BLTP1: variants seen among roughly 807,000 people sequenced by gnomAD.
BLTP1 encodes the protein bridge-like lipid transfer protein family member 1.
At chr4:122,287,061 A>G in the BLTP1 span, among the ~76,000 whole-genome samples, 7 of 152,304 alleles carry the variant, frequency 4.6e-5, 1 homozygote, top group South Asian at 6.2e-4. Flanking sequence ...AGTTCAAATG[A>G]TTATTAAAAG....
the BLTP1 span, chr4:122,280,203 T>A: frequency 2.0e-6 from 2 of 985,178 alleles, no homozygotes; most frequent in Non-Finnish European, 2.4e-6. Context: ...TGTTCCATAT[T>A]GCATAAACAA....
At chr4:122,316,456 C>A in the BLTP1 span, 3 of 491,572 alleles carry the variant, frequency 6.1e-6, no homozygotes, top group South Asian at 4.6e-5. Flanking sequence ...CCATTCTGTT[C>A]CTGCAGAGTA....
At chr4:122,261,417 A>T in the BLTP1 span, 1 of 985,114 alleles carries the variant, frequency 1.0e-6, no homozygotes, top group Admixed American at 6.2e-5. Flanking sequence ...TTAGTTTCCG[A>T]TCTTTGCTTT....
At chr4:122,253,796 A>C in the BLTP1 span, among the ~76,000 whole-genome samples, 2 of 152,186 alleles carry the variant, frequency 1.3e-5, no homozygotes, top group Admixed American at 1.3e-4. Flanking sequence ...AAGTACAAGA[A>C]GGTAGAGAAT....
chr4:122,207,011 A>G, the BLTP1 span: 1 of 1,158,484 alleles, frequency 8.6e-7, no homozygotes, highest in Non-Finnish European at 1.2e-6. Flanking sequence ...GTTACACAAA[A>G]GAAAAATTCA....
At chr4:122,179,542 A>G in the BLTP1 span, among the ~76,000 whole-genome samples, 1 of 152,038 alleles carries the variant, frequency 6.6e-6, no homozygotes, top group Admixed American at 6.6e-5. Flanking sequence ...GCCTTCTACC[A>G]TCCTCAGGAG....
chr4:122,228,742 T>C, the BLTP1 span, among the ~76,000 whole-genome samples: 3 of 152,172 alleles, frequency 2.0e-5, no homozygotes, highest in African/African-American at 7.2e-5. Context: ...GCGTATGGAG[T>C]ACCTGTAAGA....
chr4:122,235,430 A>G, the BLTP1 span: 6 of 970,098 alleles, frequency 6.2e-6, no homozygotes, highest in Admixed American at 1.8e-4. Context: ...GTTGGCCCCC[A>G]TGTTACCAAT....
chr4:122,305,570 A>G, the BLTP1 span: 10 of 984,590 alleles, frequency 1.0e-5, no homozygotes, highest in Non-Finnish European at 1.2e-5. Context: ...ATGAACAAAA[A>G]TTTCTTGTCA....
At chr4:122,244,965 T>A in the BLTP1 span, 115 of 1,579,260 alleles carry the variant, frequency 7.3e-5, 1 homozygote, top group Non-Finnish European at 9.3e-5. Flanking sequence ...TTACATAAAC[T>A]AAGTTGTAGA....
the BLTP1 span, chr4:122,301,977 A>G: frequency 0.05 from 7,706 of 153,500 alleles, 277 homozygotes; most frequent in Non-Finnish European, 0.075. Flanking sequence ...AGGCTAAAGC[A>G]GGAGGATTGC....
the BLTP1 span, chr4:122,257,488 C>T: frequency 1.9e-5 from 30 of 1,613,750 alleles, no homozygotes; most frequent in Admixed American, 3.3e-5. Flanking sequence ...AATTTGAGTT[C>T]GATGCAGGTA....
the BLTP1 span, among the ~76,000 whole-genome samples, chr4:122,310,055 T>C: frequency 5.6e-4 from 85 of 152,058 alleles, no homozygotes; most frequent in Non-Finnish European, 9.4e-4. Flanking sequence ...GCATCATTAA[T>C]CTTAATAATA....
At chr4:122,241,345 T>C in the BLTP1 span, among the ~76,000 whole-genome samples, 5 of 152,310 alleles carry the variant, frequency 3.3e-5, no homozygotes, top group South Asian at 1.0e-3. Context: ...AAAGGCTAGG[T>C]CATTTAGAGC....
At chr4:122,189,105 G>C in the BLTP1 span, 12 of 957,380 alleles carry the variant, frequency 1.3e-5, no homozygotes, top group Non-Finnish European at 1.5e-5. Context: ...AAATTATAGA[G>C]AGTAAGATGA....
At chr4:122,239,614 C>T in the BLTP1 span, 1 of 1,614,094 alleles carries the variant, frequency 6.2e-7, no homozygotes, top group Non-Finnish European at 8.5e-7. Flanking sequence ...AAACGACAAG[C>T]CTCTGTCTGT....
At chr4:122,238,191 G>C in the BLTP1 span, 1 of 1,613,946 alleles carries the variant, frequency 6.2e-7, no homozygotes, top group South Asian at 1.1e-5. Flanking sequence ...GTACCATTAC[G>C]ATCTCATAGT....
the BLTP1 span, chr4:122,331,864 A>C: frequency 1.1e-5 from 8 of 699,806 alleles, no homozygotes; most frequent in Non-Finnish European, 1.4e-5. Flanking sequence ...GTTTTAAAGA[A>C]CAACACAATG....
chr4:122,333,713 C>T, the BLTP1 span: 1 of 1,612,196 alleles, frequency 6.2e-7, no homozygotes. Context: ...CTTCTACCAC[C>T]CATTTAATGA....
Sources: gnomAD v4.1 joint callset for allele counts (sites outside exome capture counted in the v4.1 genomes callset) on GRCh38, gnomAD v4.1.1 for gene constraint, MANE v1.5 for transcripts, NCBI Gene and HGNC (gene_info 2026-07-23, HGNC 2026-07-21) for gene names.